The following FNDC3B variants were observed in gnomAD, a reference collection of about 807,000 sequenced individuals.
The protein encoded by FNDC3B is fibronectin type III domain-containing protein 3B.
FNDC3B carries 12 observed loss-of-function variants against 151.5 expected under a neutral mutation model. That is an observed-to-expected ratio of 0.08 (90% CI 0.05 to 0.13). FNDC3B has a LOEUF of 0.13. Among genes scored for constraint, FNDC3B ranks in the 10% least tolerant of loss-of-function variants. The pLI is 1.00. For synonymous variants in FNDC3B, 528 were observed against 549.0 expected, an observed-to-expected ratio of 0.96 and a Z score of 0.54; for missense variants, 1,214 against 1,505.3, an observed-to-expected ratio of 0.81 and a Z score of 3.20.
chr3:172,389,586 G>A (rs12497429), intron 25 of FNDC3B, among the ~76,000 whole-genome samples: 29 of 152,142 alleles, frequency 1.9e-4, no homozygotes, highest in African/African-American at 5.3e-4. Context: ...GTTCACGTGT[G>A]GGGGGGTGGC....
chr3:172,087,836 C>T (rs1188894304), intron 1 of FNDC3B, among the ~76,000 whole-genome samples: 3 of 152,094 alleles, frequency 2.0e-5, no homozygotes, highest in Admixed American at 6.5e-5. Context: ...TTCTGTAGCA[C>T]GTGAAGGCTG....
At chr3:172,333,596 G>A (rs569110271) in intron 14 of FNDC3B, among the ~76,000 whole-genome samples, 7 of 148,028 alleles carry the variant, frequency 4.7e-5, no homozygotes, top group Non-Finnish European at 8.9e-5. Context: ...CACCTGCCTC[G>A]GCCTCCCAAA....
intron 23 of FNDC3B, among the ~76,000 whole-genome samples, chr3:172,369,381 G>A (rs371723647): frequency 5.3e-4 from 80 of 152,048 alleles, no homozygotes; most frequent in African/African-American, 1.9e-3. Flanking sequence ...CTTTTCAGGT[G>A]GTCTTTAGAA....
chr3:172,284,522 TGGTGTCA>T (rs1729907318), intron 6 of FNDC3B, among the ~76,000 whole-genome samples: 1 of 152,020 alleles, frequency 6.6e-6, no homozygotes, highest in Admixed American at 6.6e-5. Context: ...GAAATGAGGC[TGGTGTCA>T]GGTGTAGCAG....
intron 3 of FNDC3B, among the ~76,000 whole-genome samples, chr3:172,147,029 C>T (rs566688912): frequency 1.9e-4 from 29 of 152,158 alleles, no homozygotes; most frequent in African/African-American, 6.0e-4. Context: ...ATGAGAAGGC[C>T]AGGCGTGGTG....
chr3:172,088,779 A>AT, intron 1 of FNDC3B, among the ~76,000 whole-genome samples: 1 of 152,338 alleles, frequency 6.6e-6, no homozygotes, highest in East Asian at 1.9e-4. Flanking sequence ...TAAAAACCAC[A>AT]TTTTAAATAA....
rs964420710 is a variant in FNDC3B at position 172,400,687 on chromosome 3, ATTCT to A, written c.*3217_*3220del. 6 of 152,296 alleles carry A rather than the reference ATTCT, an allele frequency of 3.9e-5. No homozygotes were observed. The highest frequency in any genetic ancestry group is 8.8e-5 in the Non-Finnish European group (6 of 67,990). 9.4% of individuals were successfully genotyped at this position (152,296 alleles called of 1,614,324 possible). ...ATATTTATGCCCAATAAATGTTTTA[ATTCT>A]TTCTGACTTAAATAGGGTTTTTCTG... On this transcript the variant is annotated 3_prime_UTR_variant, in exon 26 of 26. Transcript: ENST00000415807.
intron 23 of FNDC3B, 44 bp downstream of exon 23, chr3:172,362,889 G>T (rs372593887): frequency 3.4e-6 from 5 of 1,465,832 alleles, no homozygotes; most frequent in Non-Finnish European, 4.7e-6. Context: ...TGTAGCTTTG[G>T]CTTGTGGGAT....
At chr3:172,196,029 A>T (rs893139166) in intron 3 of FNDC3B, among the ~76,000 whole-genome samples, 1 of 152,204 alleles carries the variant, frequency 6.6e-6, no homozygotes, top group Non-Finnish European at 1.5e-5. Context: ...AATGTTAATT[A>T]TTATAGAGGA....
chr3:172,073,565 C>T (rs775764222), intron 1 of FNDC3B, among the ~76,000 whole-genome samples: 5 of 152,200 alleles, frequency 3.3e-5, no homozygotes, highest in East Asian at 1.9e-4. Flanking sequence ...TTTGACTTCT[C>T]GAAAAGACAA....
intron 1 of FNDC3B, among the ~76,000 whole-genome samples, chr3:172,095,798 A>G (rs1168709723): frequency 7.1e-6 from 1 of 141,598 alleles, no homozygotes; most frequent in Non-Finnish European, 1.5e-5. Flanking sequence ...TAAAAAAACA[A>G]ACAAACAAAC....
At chr3:172,269,699 C>T (rs1291353632) in intron 6 of FNDC3B, among the ~76,000 whole-genome samples, 1 of 152,154 alleles carries the variant, frequency 6.6e-6, no homozygotes, top group East Asian at 1.9e-4. Flanking sequence ...GGCTGGAGTG[C>T]AGTGGCACAG....
chr3:172,041,036 G>A (rs1254123641), intron 1 of FNDC3B, among the ~76,000 whole-genome samples: 1 of 152,192 alleles, frequency 6.6e-6, no homozygotes, highest in Non-Finnish European at 1.5e-5. Flanking sequence ...TTCCTTAAAA[G>A]TTATAACTTT....
At chr3:172,138,235 C>G (rs1365643402) in intron 3 of FNDC3B, among the ~76,000 whole-genome samples, 1 of 152,194 alleles carries the variant, frequency 6.6e-6, no homozygotes, top group Non-Finnish European at 1.5e-5. Context: ...TATGCGTAAA[C>G]CTTTCCTTAG....
rs1202773092 is a variant in FNDC3B, at chr3:172,352,225, C to G, written c.2515-578C>G. ...AGTGATGAATAAGCATTTGAAAGAC[C>G]TGGGAGTGATCAAGGTGTCAGCTGT... is the stretch of plus-strand genomic sequence containing the variant. On this transcript the variant is annotated intron_variant, in intron 21 of 25. Coordinates refer to ENST00000415807, the MANE Select transcript of FNDC3B (RefSeq NM_022763.4). The surrounding 1 kb of genome is among the most constrained non-coding windows in gnomAD (Gnocchi z 4.2). 1.3e-5 allele frequency among the ~76,000 whole-genome samples: 2 copies of G among 152,154 alleles called. No homozygotes were observed. The highest frequency in any genetic ancestry group is 1.3e-4 in the Admixed American group (2 of 15,276).
chr3:172,292,408 A>C (rs1267276813), intron 7 of FNDC3B, among the ~76,000 whole-genome samples: 2 of 152,218 alleles, frequency 1.3e-5, no homozygotes, highest in Non-Finnish European at 2.9e-5. Flanking sequence ...GGAAAAAGTG[A>C]ATGTTATTTT....
chr3:172,279,933 G>T (rs1338955784), intron 6 of FNDC3B, among the ~76,000 whole-genome samples: 2 of 151,486 alleles, frequency 1.3e-5, no homozygotes, highest in Admixed American at 6.6e-5. Context: ...TGTTTGTTTG[G>T]GGACAAGTCT....
At position 172,247,598 on chromosome 3, in the gene FNDC3B, C is replaced by T. The variant is rs1727843806; in HGVS notation, c.330C>T (p.Pro110=). 1 of 1,613,982 alleles carries T rather than the reference C, an allele frequency of 6.2e-7. No individual in the cohort carries two copies. Among genetic ancestry groups the T allele is most frequent in the South Asian group, 1.1e-5 (1 of 91,078 alleles). The stretch of plus-strand genomic sequence containing the variant: ...CACCCCAGTCTCCTGAGTGTTATCC[C>T]CCAAGCTACCCCTCAGCCATGTCTC... ...VVTPQSPECY[P]PSYPSAMSPT... Residue 110 remains proline (P), a synonymous_variant, in exon 5 of 26, where the codon CCC becomes CCT. Transcript: ENST00000415807.
At chr3:172,298,458 A>C (rs1293479680) in intron 8 of FNDC3B, among the ~76,000 whole-genome samples, 3 of 152,178 alleles carry the variant, frequency 2.0e-5, no homozygotes, top group African/African-American at 7.2e-5. Flanking sequence ...ATATGTATTT[A>C]CTCGTAAGAA....
Sources: allele counts gnomAD v4.1 joint callset (sites outside exome capture counted in the v4.1 genomes callset), GRCh38; gene constraint gnomAD v4.1.1; non-coding constraint Gnocchi (gnomAD v3.1); transcripts MANE v1.5; gene names NCBI Gene and HGNC (gene_info 2026-07-23, HGNC 2026-07-21).